Variants in TASP1 observed in about 807,000 individuals in gnomAD.
The protein encoded by TASP1 is taspase 1, also known as threonine aspartase 1.
A neutral mutation model predicts 56.6 loss-of-function variants in TASP1; 16 were observed. The ratio of observed to expected loss-of-function variants is 0.28; its 90% CI spans 0.19 to 0.43. The LOEUF (loss-of-function observed/expected upper bound fraction) is 0.43. TASP1 is among the 20% of genes least tolerant of loss of function. The probability of loss-of-function intolerance (pLI) is 1.00; values close to 1 mark genes in which losing one functional copy is unlikely to be tolerated. For missense variants in TASP1, 393 were observed against 511.6 expected, an observed-to-expected ratio of 0.77 and a Z score of 2.24; for synonymous variants, 179 against 184.2, an observed-to-expected ratio of 0.97 and a Z score of 0.23.
intron 4 of TASP1, among the ~76,000 whole-genome samples, chr20:13,616,642 T>TAAA: frequency 6.9e-6 from 1 of 144,850 alleles, no homozygotes; most frequent in East Asian, 2.0e-4. Context: ...TTTTATTCTT[T>TAAA]AAAAAAAAAA....
At chr20:13,309,722 T>C in the TASP1 span, among the ~76,000 whole-genome samples, 10 of 152,142 alleles carry the variant, frequency 6.6e-5, no homozygotes, top group South Asian at 4.1e-4. Flanking sequence ...AAAAAGCTGA[T>C]AGAATTAATA....
At chr20:13,605,523 T>G (rs545997981) in intron 4 of TASP1, among the ~76,000 whole-genome samples, 2 of 152,002 alleles carry the variant, frequency 1.3e-5, no homozygotes, top group South Asian at 4.2e-4. Flanking sequence ...CCAAAAATTT[T>G]TTTTTAAATA....
intron 10 of TASP1, among the ~76,000 whole-genome samples, chr20:13,501,323 T>C (rs1028724561): frequency 1.3e-5 from 2 of 151,988 alleles, no homozygotes; most frequent in Non-Finnish European, 2.9e-5. Flanking sequence ...AGTTTAAAAG[T>C]ATATATATTT....
the TASP1 span, among the ~76,000 whole-genome samples, chr20:13,172,264 A>T: frequency 9.9e-5 from 15 of 152,256 alleles, no homozygotes; most frequent in African/African-American, 3.6e-4. Flanking sequence ...TCCCAAGGAT[A>T]AAGGGAAGAA....
chr20:13,356,208 C>T, the TASP1 span, among the ~76,000 whole-genome samples: 1 of 152,172 alleles, frequency 6.6e-6, no homozygotes. Context: ...TAATGTCTTA[C>T]ATAATAAGAG....
intron 8 of TASP1, among the ~76,000 whole-genome samples, chr20:13,544,693 T>C (rs1324949457): frequency 1.3e-5 from 2 of 152,240 alleles, no homozygotes; most frequent in Non-Finnish European, 2.9e-5. Context: ...TCCAATTTAG[T>C]TGTCCAATTT....
the TASP1 span, chr20:13,298,921 T>G: frequency 6.2e-7 from 1 of 1,609,546 alleles, no homozygotes; most frequent in Non-Finnish European, 8.5e-7. Context: ...GGTGAGAGGG[T>G]TTCTCTTTGG....
chr20:13,148,913 G>A, the TASP1 span, among the ~76,000 whole-genome samples: 1 of 152,350 alleles, frequency 6.6e-6, no homozygotes, highest in Non-Finnish European at 1.5e-5. Flanking sequence ...GCCAGATGCA[G>A]TAGTAAACAC....
the TASP1 span, chr20:13,164,715 G>A: frequency 6.6e-7 from 1 of 1,504,782 alleles, no homozygotes; most frequent in Non-Finnish European, 9.2e-7. Flanking sequence ...GGCTACTTAG[G>A]TGTTCAATGA....
chr20:13,506,574 AAG>A lies in TASP1; in HGVS notation c.874+21857_874+21858del, dbSNP rs1174900660. On this transcript the variant is annotated intron_variant, in intron 10 of 13. Transcript: ENST00000337743. The stretch of plus-strand genomic sequence containing the variant: ...CAAGTGAGATTTGTCTCCAGAATGT[AAG>A]GATGGCTCCCATATGCAAATTTATA... Among the ~76,000 whole-genome samples, 14 of 152,306 alleles carry A rather than the reference AAG, an allele frequency of 9.2e-5. No individual in the cohort carries two copies. In the East Asian group the frequency reaches 2.5e-3, roughly 27 times the overall value.
intron 1 of TASP1, among the ~76,000 whole-genome samples, chr20:13,636,748 A>C (rs2049325570): frequency 6.6e-6 from 1 of 152,216 alleles, no homozygotes; most frequent in Non-Finnish European, 1.5e-5. Context: ...AGAGTGTTGA[A>C]ATGGTTTCTA....
the TASP1 span, among the ~76,000 whole-genome samples, chr20:13,354,748 GC>G: frequency 6.6e-6 from 1 of 152,064 alleles, no homozygotes. Flanking sequence ...CTGCACAGCA[GC>G]CCTAAAGACC....
At chr20:13,153,859 G>A in the TASP1 span, 2 of 1,092,612 alleles carry the variant, frequency 1.8e-6, no homozygotes, top group Middle Eastern at 3.1e-4. Flanking sequence ...CTGCTCCCCA[G>A]GAGATATCTC....
intron 8 of TASP1, among the ~76,000 whole-genome samples, chr20:13,553,194 C>T (rs764333376): frequency 7.1e-4 from 108 of 152,252 alleles, no homozygotes; most frequent in Middle Eastern, 3.4e-3. Flanking sequence ...ATCCTCTTGC[C>T]TCGGCCTCCC....
chr20:13,321,221 C>A, the TASP1 span, among the ~76,000 whole-genome samples: 1 of 114,942 alleles, frequency 8.7e-6, no homozygotes, highest in Non-Finnish European at 1.7e-5. Flanking sequence ...AAAAAGAGAT[C>A]GTCTTTATCT....
the TASP1 span, among the ~76,000 whole-genome samples, chr20:13,190,591 T>C: frequency 5.3e-5 from 8 of 152,248 alleles, no homozygotes; most frequent in South Asian, 1.7e-3. Context: ...TCAAAATGGA[T>C]TGAAGACTTA....
At chr20:13,411,440 G>T (rs1048991653) in intron 13 of TASP1, among the ~76,000 whole-genome samples, 4 of 152,142 alleles carry the variant, frequency 2.6e-5, no homozygotes, top group Non-Finnish European at 4.4e-5. Flanking sequence ...CCATTTGTCT[G>T]TGTCCTCTTC....
chr20:13,221,583 G>A, the TASP1 span, among the ~76,000 whole-genome samples: 1 of 144,784 alleles, frequency 6.9e-6, no homozygotes, highest in Non-Finnish European at 1.5e-5. Flanking sequence ...GGCGCCGGCA[G>A]CTCCTGCTCC....
At chr20:13,233,470 C>T in the TASP1 span, among the ~76,000 whole-genome samples, 4 of 151,874 alleles carry the variant, frequency 2.6e-5, 1 homozygote, top group Admixed American at 2.0e-4. Context: ...TGGTGCATTC[C>T]TGTAATCCCA....
Sources: allele counts gnomAD v4.1 joint callset (sites outside exome capture counted in the v4.1 genomes callset), GRCh38; gene constraint gnomAD v4.1.1; transcripts MANE v1.5; gene names NCBI Gene and HGNC (gene_info 2026-07-23, HGNC 2026-07-21).